ADGRV1: variants seen among roughly 807,000 people sequenced by gnomAD.
ADGRV1 encodes adhesion G protein-coupled receptor V1.
ADGRV1 carries 359 observed loss-of-function variants against 596.2 expected under a neutral mutation model. The ratio of observed to expected loss-of-function variants is 0.60; its 90% confidence interval spans 0.55 to 0.66. The LOEUF (loss-of-function observed/expected upper bound fraction) is 0.66, where lower values mean the gene tolerates loss of function less well. Ranked by LOEUF, ADGRV1 falls within the 30% of genes least tolerant of loss-of-function variation. The pLI is 0.00. For synonymous variants in ADGRV1, 2,681 were observed against 2,679.2 expected, an observed-to-expected ratio of 1.00 and a Z score of -0.02; for missense variants, 7,274 against 7,575.6, an observed-to-expected ratio of 0.96 and a Z score of 1.48.
At chr5:90,975,041 G>A (rs1779429715) in intron 84 of ADGRV1, among the ~76,000 whole-genome samples, 1 of 152,048 alleles carries the variant, frequency 6.6e-6, no homozygotes, top group African/African-American at 2.4e-5. Flanking sequence ...GTGGGCGAAG[G>A]ATATGAACAG....
At chr5:91,019,598 A>G (rs1783461043) in intron 85 of ADGRV1, among the ~76,000 whole-genome samples, 1 of 151,474 alleles carries the variant, frequency 6.6e-6, no homozygotes. Context: ...TGGGAAAAAA[A>G]TGGATATGAT....
At chr5:90,574,253 T>G (rs772037827) in intron 1 of ADGRV1, among the ~76,000 whole-genome samples, 2 of 152,144 alleles carry the variant, frequency 1.3e-5, no homozygotes, top group Non-Finnish European at 2.9e-5. Flanking sequence ...TTGGTCAGTA[T>G]GGATGTTTTT....
intron 86 of ADGRV1, among the ~76,000 whole-genome samples, chr5:91,095,965 G>GATGA: frequency 6.6e-6 from 1 of 150,410 alleles, no homozygotes; most frequent in African/African-American, 2.5e-5. Context: ...GTTTCACATT[G>GATGA]ACCAGGCTCA....
At position 90,653,532 on chromosome 5, in the gene ADGRV1, C is replaced by T. The variant is rs532745096; in HGVS notation, c.3958C>T (p.Arg1320Cys). The T allele has an allele frequency of 3.5e-5, 57 of 1,613,922 alleles. 1 individual carries two copies. In the South Asian group the frequency reaches 4.8e-4, roughly 14 times the overall value. Residue 1320 changes from arginine to cysteine, a missense_variant, in exon 20 of 90, where the codon CGT becomes TGT. Around this residue, in one of 5 missense-constraint regions of ADGRV1, gnomAD observed 1,715 missense variants for 1,708.8 expected, o/e 1.00. Transcript: ENST00000405460. Reference protein sequence around the residue: ...TTVHLQQHMRRHHSGTDALYF... With the variant: ...TTVHLQQHMRCHHSGTDALYF... ...CGTGCATTTACAACAGCACATGCGG[C>T]GTCACCACAGTGGAACGGATGCTTT...
intron 86 of ADGRV1, among the ~76,000 whole-genome samples, chr5:91,097,171 C>A (rs1348821846): frequency 6.6e-6 from 1 of 152,128 alleles, no homozygotes; most frequent in Non-Finnish European, 1.5e-5. Context: ...GATCAAGGTG[C>A]CAGCAGATTC....
Position 90,637,941 on chromosome 5 carries a change from C to G in ADGRV1, c.2233C>G (p.Leu745Val), listed in dbSNP as rs373724664. 83 of 1,607,212 alleles carry G rather than the reference C, an allele frequency of 5.2e-5. No individual in the cohort carries two copies. The highest frequency in any genetic ancestry group is 6.7e-5 in the Non-Finnish European group (79 of 1,174,540). Residue 745 changes from leucine to valine, a missense_variant, in exon 11 of 90, where the codon CTA (leucine) becomes GTA (valine). Physicochemically the swap from Leu to Val is conservative, Grantham distance 32 (BLOSUM62 1). Coordinates refer to ENST00000405460, the MANE Select transcript of ADGRV1 (RefSeq NM_032119.4). ...AATGAATGAAACTGTAACACTTTCT[C>G]TAGACAGGTAATAACCCATTTAGGT... ...PEMNETVTLS[L>V]DRVNVENQVL... is the part of the protein sequence containing the mutation.
chr5:90,559,768 CTCATACAGCATGA>C (rs1754573086), intron 1 of ADGRV1, among the ~76,000 whole-genome samples: 1 of 152,118 alleles, frequency 6.6e-6, no homozygotes, highest in Admixed American at 6.5e-5. Flanking sequence ...TATACCTTAA[CTCATACAGCATGA>C]TTAGAAATTC....
intron 77 of ADGRV1, 145 bp downstream of exon 77, chr5:90,829,331 C>T: frequency 2.9e-6 from 2 of 682,208 alleles, no homozygotes; most frequent in Non-Finnish European, 4.5e-6. Flanking sequence ...AAGCTTTATC[C>T]TTGAAACAGC....
chr5:90,746,195 T>A (rs1217267546), intron 52 of ADGRV1, among the ~76,000 whole-genome samples: 2 of 132,668 alleles, frequency 1.5e-5, no homozygotes, highest in Non-Finnish European at 3.1e-5. Flanking sequence ...TATCCTATTA[T>A]GCTTTGTTAC....
intron 77 of ADGRV1, 31 bp from the exon 78 acceptor site, chr5:90,840,547 A>G (rs1765335793): frequency 6.5e-7 from 1 of 1,534,848 alleles, no homozygotes; most frequent in Admixed American, 2.0e-5. Context: ...GGTGTCATAG[A>G]TTCACTTAAA....
At chr5:90,663,810 C>T (rs1407586166) in intron 21 of ADGRV1, among the ~76,000 whole-genome samples, 1 of 151,824 alleles carries the variant, frequency 6.6e-6, no homozygotes, top group African/African-American at 2.4e-5. Flanking sequence ...GGAAGGGATC[C>T]AGTTTCAGCT....
At chr5:90,658,676 G>GTT (rs1769778877) in intron 21 of ADGRV1, among the ~76,000 whole-genome samples, 1 of 70,064 alleles carries the variant, frequency 1.4e-5, no homozygotes. Context: ...ATGATTTTTT[G>GTT]ATTTTTTTTT....
chr5:91,090,479 A>T (rs892252075), intron 86 of ADGRV1, among the ~76,000 whole-genome samples: 3 of 152,062 alleles, frequency 2.0e-5, no homozygotes, highest in Non-Finnish European at 4.4e-5. Flanking sequence ...TTTAGCATCC[A>T]GGAGAGCCCT....
At chr5:90,976,298 ATGTGTG>A (rs752233519) in intron 84 of ADGRV1, among the ~76,000 whole-genome samples, 68 of 118,978 alleles carry the variant, frequency 5.7e-4, no homozygotes, top group African/African-American at 1.7e-3. Context: ...GTGTGTGTAT[ATGTGTG>A]TGTGTGTGTG....
intron 84 of ADGRV1, among the ~76,000 whole-genome samples, chr5:90,984,316 A>G (rs1028012084): frequency 3.3e-5 from 5 of 152,202 alleles, no homozygotes; most frequent in African/African-American, 1.2e-4. Context: ...ACTGTTTGAA[A>G]TATGTATGGC....
In ADGRV1 at chr5:90,736,900, TA is replaced by T. The variant is rs539905927; in HGVS notation, c.10549+7145del. 2.5e-3 allele frequency among the ~76,000 whole-genome samples: 373 copies of T among 150,820 alleles called. 1 individual carries two copies. The highest frequency in any genetic ancestry group is 3.0e-3 in the Non-Finnish European group (203 of 67,450). On this transcript the variant is annotated intron_variant, in intron 50 of 89. Transcript: ENST00000405460. ...CTAAGGGTTTGTCAACTTTTTCTTTTAAAAAAAAACAATTCTTAGTTTTATT... is the reference window on the plus strand; with the variant it reads ...CTAAGGGTTTGTCAACTTTTTCTTTTAAAAAAAACAATTCTTAGTTTTATT...
intron 87 of ADGRV1, among the ~76,000 whole-genome samples, chr5:91,119,055 A>T (rs1793086021): frequency 6.6e-6 from 1 of 152,158 alleles, no homozygotes; most frequent in Non-Finnish European, 1.5e-5. Flanking sequence ...ACTATGTATG[A>T]CTTGTTCTCT....
intron 73 of ADGRV1, among the ~76,000 whole-genome samples, chr5:90,809,687 TCA>T (rs1762261349): frequency 6.6e-6 from 1 of 152,164 alleles, no homozygotes; most frequent in Admixed American, 6.5e-5. Context: ...AGCTATTAAC[TCA>T]CAACAAAAAT....
At chr5:90,841,804 G>T (rs1373966082) in intron 78 of ADGRV1, among the ~76,000 whole-genome samples, 1 of 152,148 alleles carries the variant, frequency 6.6e-6, no homozygotes, top group African/African-American at 2.4e-5. Context: ...TAACAATGGG[G>T]TTTTAGATAG....
Sources: allele counts gnomAD v4.1 joint callset (sites outside exome capture counted in the v4.1 genomes callset), GRCh38; gene constraint gnomAD v4.1.1; regional missense constraint gnomAD v4.1.1; transcripts MANE v1.5; gene names NCBI Gene and HGNC (gene_info 2026-07-23, HGNC 2026-07-21).